TASP1: variants seen among roughly 807,000 people sequenced by gnomAD.
TASP1 encodes taspase 1.
Under a neutral mutation model 56.6 loss-of-function variants are expected in TASP1, and 16 were observed. The observed-to-expected ratio is 0.28, with a 90% confidence interval of 0.19 to 0.43. The LOEUF (loss-of-function observed/expected upper bound fraction) is 0.43, where lower values mean the gene tolerates loss of function less well. Ranked by LOEUF, TASP1 falls within the 20% of genes least tolerant of loss-of-function variation. TASP1 has a pLI of 1.00. For synonymous variants in TASP1, 179 were observed against 184.2 expected, an observed-to-expected ratio of 0.97 and a Z score of 0.23; for missense variants, 393 against 511.6, an observed-to-expected ratio of 0.77 and a Z score of 2.24.
At chr20:13,324,803 C>T in the TASP1 span, among the ~76,000 whole-genome samples, 2 of 152,184 alleles carry the variant, frequency 1.3e-5, no homozygotes, top group Non-Finnish European at 2.9e-5. Context: ...ATATTACATA[C>T]ATTTGAAGCT....
At chr20:13,372,101 C>A in the TASP1 span, among the ~76,000 whole-genome samples, 3 of 152,168 alleles carry the variant, frequency 2.0e-5, no homozygotes, top group Non-Finnish European at 4.4e-5. Context: ...TCGTCTGATA[C>A]CCTCTCAGCT....
chr20:13,568,787 G>T (rs1232672423), intron 7 of TASP1, among the ~76,000 whole-genome samples: 1 of 152,040 alleles, frequency 6.6e-6, no homozygotes, highest in African/African-American at 2.4e-5. Flanking sequence ...CTACTTAGTT[G>T]TCCTCTAAAA....
At chr20:13,336,543 C>T in the TASP1 span, among the ~76,000 whole-genome samples, 1 of 152,160 alleles carries the variant, frequency 6.6e-6, no homozygotes, top group Non-Finnish European at 1.5e-5. Flanking sequence ...TCTACACTCA[C>T]CCCTCAAGTA....
chr20:13,198,831 TTTCTTTCTTTCTTTC>T, the TASP1 span, among the ~76,000 whole-genome samples: 1 of 145,836 alleles, frequency 6.9e-6, no homozygotes, highest in African/African-American at 2.5e-5. Flanking sequence ...TCTTTCTTTC[TTTCTTTCTTTCTTTC>T]TTTCTTTCTT....
In TASP1 at chr20:13,592,593, C is replaced by A. The variant is rs2047574679; in HGVS notation, c.283-5223G>T. On this transcript the variant is annotated intron_variant, in intron 4 of 13. Transcript: ENST00000337743. ...TTGCTCATATTAGTGATGTCTGACT[C>A]TTCTTTTACATTCCTAATCAGTCTG... Among the ~76,000 whole-genome samples the A allele has an allele frequency of 2.6e-5, 4 of 152,170 alleles. No individual in the cohort carries two copies. The South Asian group carries it at 8.3e-4, about 32-fold the overall frequency.
chr20:13,190,707 G>A, the TASP1 span, among the ~76,000 whole-genome samples: 5 of 152,116 alleles, frequency 3.3e-5, no homozygotes, highest in Non-Finnish European at 7.4e-5. Flanking sequence ...TAAAAGCATA[G>A]GCAACAAAAG....
At chr20:13,504,508 T>G (rs1017867481) in intron 10 of TASP1, among the ~76,000 whole-genome samples, 1 of 152,086 alleles carries the variant, frequency 6.6e-6, no homozygotes, top group African/African-American at 2.4e-5. Context: ...TTTAGTAACA[T>G]GAAAACATAT....
chr20:13,225,664 G>A, the TASP1 span, among the ~76,000 whole-genome samples: 1 of 152,144 alleles, frequency 6.6e-6, no homozygotes, highest in Non-Finnish European at 1.5e-5. Context: ...AAATAAAAAT[G>A]TTAGTCTTTG....
intron 4 of TASP1, among the ~76,000 whole-genome samples, chr20:13,612,887 A>C (rs2048396162): frequency 6.6e-6 from 1 of 152,186 alleles, no homozygotes; most frequent in African/African-American, 2.4e-5. Flanking sequence ...TAAAATTACT[A>C]CATCCAGGAC....
intron 11 of TASP1, among the ~76,000 whole-genome samples, chr20:13,435,509 C>T (rs957113528): frequency 6.6e-6 from 1 of 152,216 alleles, no homozygotes; most frequent in African/African-American, 2.4e-5. Context: ...GGATCACTTA[C>T]CACAGGCTCT....
At chr20:13,590,114 C>A (rs139103879) in intron 4 of TASP1, among the ~76,000 whole-genome samples, 5 of 152,056 alleles carry the variant, frequency 3.3e-5, no homozygotes, top group African/African-American at 9.7e-5. Flanking sequence ...CATCTGTAAT[C>A]GCAGCTACTC....
the TASP1 span, among the ~76,000 whole-genome samples, chr20:13,341,655 C>A: frequency 3.9e-5 from 6 of 152,154 alleles, no homozygotes; most frequent in Admixed American, 3.3e-4. Context: ...TTGCATGATC[C>A]TCAGAGTAAC....
chr20:13,455,019 T>C (rs1022838843), intron 11 of TASP1, among the ~76,000 whole-genome samples: 6 of 152,150 alleles, frequency 3.9e-5, no homozygotes, highest in African/African-American at 1.4e-4. Context: ...TACACATGTC[T>C]AGGAGCCTTG....
At chr20:13,562,480 T>C (rs780153783) in intron 7 of TASP1, among the ~76,000 whole-genome samples, 1 of 151,546 alleles carries the variant, frequency 6.6e-6, no homozygotes, top group Non-Finnish European at 1.5e-5. Flanking sequence ...TGGAAAACAT[T>C]AACAAAATTT....
chr20:13,178,473 C>T, the TASP1 span, among the ~76,000 whole-genome samples: 7 of 152,142 alleles, frequency 4.6e-5, no homozygotes, highest in East Asian at 9.7e-4. Flanking sequence ...CAGCACTACT[C>T]GCAATAGCCA....
At chr20:13,440,719 G>T (rs2043185262) in intron 11 of TASP1, among the ~76,000 whole-genome samples, 1 of 151,380 alleles carries the variant, frequency 6.6e-6, no homozygotes, top group Admixed American at 6.6e-5. Flanking sequence ...TACACTGAGA[G>T]AAGTTTAATT....
intron 8 of TASP1, among the ~76,000 whole-genome samples, chr20:13,539,840 T>C (rs2045557255): frequency 6.6e-6 from 1 of 152,194 alleles, no homozygotes; most frequent in Admixed American, 6.5e-5. Context: ...GCAACAGTTT[T>C]CATCTTGGTT....
chr20:13,323,778 C>T, the TASP1 span, among the ~76,000 whole-genome samples: 2 of 152,092 alleles, frequency 1.3e-5, no homozygotes, highest in African/African-American at 2.4e-5. Context: ...CTTCTTCAAT[C>T]CCAGAATTTT....
chr20:13,626,496 GGC>G (rs1271563589), intron 2 of TASP1, among the ~76,000 whole-genome samples: 26 of 152,204 alleles, frequency 1.7e-4, no homozygotes, highest in African/African-American at 6.0e-4. Context: ...TACATCTCTA[GGC>G]CTTAGGATTC....
Sources: allele counts gnomAD v4.1 joint callset (sites outside exome capture counted in the v4.1 genomes callset), GRCh38; gene constraint gnomAD v4.1.1; transcripts MANE v1.5; gene names NCBI Gene and HGNC (gene_info 2026-07-23, HGNC 2026-07-21).